ERC2: variants seen among roughly 807,000 people sequenced by gnomAD.
The protein encoded by ERC2 is ERC protein 2.
ERC2 carries 42 observed loss-of-function variants against 114.8 expected under a neutral mutation model. The ratio of observed to expected loss-of-function variants is 0.37; its 90% CI spans 0.29 to 0.47. The LOEUF is 0.47. Ranked by LOEUF, ERC2 falls within the 20% of genes least tolerant of loss-of-function variation. ERC2 has a pLI of 0.99. For missense variants in ERC2, 939 were observed against 1,150.7 expected, an observed-to-expected ratio of 0.82 and a Z score of 2.66; for synonymous variants, 454 against 425.5, an observed-to-expected ratio of 1.07 and a Z score of -0.82.
At chr3:55,719,319 C>G (rs192314141) in intron 15 of ERC2, among the ~76,000 whole-genome samples, 104 of 152,218 alleles carry the variant, frequency 6.8e-4, no homozygotes, top group Admixed American at 4.1e-3. Context: ...GGACCAGTAC[C>G]CACAGAACCA....
intron 13 of ERC2, among the ~76,000 whole-genome samples, 179 bp from the exon 14 acceptor site, chr3:55,888,728 A>G (rs1375488752): frequency 6.6e-6 from 1 of 152,168 alleles, no homozygotes; most frequent in Admixed American, 6.5e-5. Flanking sequence ...CAAATGCCTA[A>G]GAATGATATA....
rs560097533 is a variant in ERC2 at position 56,194,246 on chromosome 3, C to T, written c.1075-20726G>A. ...GTGCCCCCTCCTCCCGCCACCACCCCACAAAAGAAGATCTATCCATCCAGA... is the reference window on the plus strand; with the variant it reads ...GTGCCCCCTCCTCCCGCCACCACCCTACAAAAGAAGATCTATCCATCCAGA... On this transcript the variant is annotated intron_variant, in intron 3 of 17. Transcript: ENST00000288221. Among the ~76,000 whole-genome samples the T allele has an allele frequency of 2.0e-5, 3 of 152,156 alleles. No individual in the cohort carries two copies. The South Asian group carries it at 6.2e-4, about 32-fold the overall frequency.
intron 13 of ERC2, among the ~76,000 whole-genome samples, chr3:55,901,436 T>C (rs2064132253): frequency 6.6e-6 from 1 of 152,140 alleles, no homozygotes; most frequent in Admixed American, 6.5e-5. Flanking sequence ...AGTTGAAAGA[T>C]TATTCAATTC....
Position 55,792,362 on chromosome 3 carries a change from T to C in ERC2, c.2565-57444A>G, listed in dbSNP as rs143451558. On this transcript the variant is annotated intron_variant, in intron 14 of 17. Coordinates refer to ENST00000288221, the MANE Select transcript of ERC2 (RefSeq NM_015576.3). ...TTGTTTAGCTCTCGAAGCTAGGCAT[T>C]TAAAAGTCACTGTGTGCCTAGCTCT... Among the ~76,000 whole-genome samples, 451 of 152,336 alleles carry C rather than the reference T, an allele frequency of 3.0e-3. 4 individuals are homozygous for C. The highest frequency in any genetic ancestry group is 0.01 in the African/African-American group (431 of 41,578).
At chr3:56,002,316 G>A (rs1162428658) in intron 10 of ERC2, among the ~76,000 whole-genome samples, 2 of 152,264 alleles carry the variant, frequency 1.3e-5, no homozygotes. Flanking sequence ...TGATAGCACA[G>A]ATCACATCTG....
At chr3:56,114,148 C>T (rs1362981936) in intron 6 of ERC2, among the ~76,000 whole-genome samples, 4 of 152,160 alleles carry the variant, frequency 2.6e-5, no homozygotes, top group Non-Finnish European at 5.9e-5. Flanking sequence ...ATGAAGGAGG[C>T]TTGCATGCAC....
At position 56,407,814 on chromosome 3, in the gene ERC2, C is replaced by T. The variant is rs80032706; in HGVS notation, c.657+26537G>A. Among the ~76,000 whole-genome samples the T allele has an allele frequency of 5.5e-3, 845 of 152,258 alleles. 4 individuals are homozygous for T. Among genetic ancestry groups the T allele is most frequent in the Non-Finnish European group, 8.1e-3 (550 of 68,018 alleles). On this transcript the variant is annotated intron_variant, in intron 2 of 17. Transcript: ENST00000288221. ...CCTGGAACACGACAGCAGGTAGATA[C>T]ACCCTAAACCTGTTTCCCTGTACTC...
chr3:56,434,562 T>C lies in ERC2; in HGVS notation c.446A>G (p.Asp149Gly). ...CAGTTCTTTCAGCTGGGCCTGAAGA[T>C]CTAACATTGTGCTGTCTCTTACCTG... ...LRQVRDSTML[D>G]LQAQLKELQR... is the part of the protein sequence containing the mutation. The change falls in exon 2 of 18, where the codon GAT (aspartate) becomes GGT (glycine). Residue 149 changes from aspartate to glycine, a missense_variant. Physicochemically the swap from Asp to Gly is moderately conservative, Grantham distance 94. Transcript: ENST00000288221. The C allele has an allele frequency of 6.2e-7, 1 of 1,613,944 alleles. No homozygotes were observed. The highest frequency in any genetic ancestry group is 1.1e-5 in the South Asian group (1 of 91,076).
chr3:56,196,660 T>C (rs997452840), intron 3 of ERC2, among the ~76,000 whole-genome samples: 1 of 152,198 alleles, frequency 6.6e-6, no homozygotes, highest in African/African-American at 2.4e-5. Flanking sequence ...AATTTTCCTG[T>C]TAGCCATTTC....
At chr3:55,511,576 C>A (rs1418923163) in intron 17 of ERC2, among the ~76,000 whole-genome samples, 2 of 152,128 alleles carry the variant, frequency 1.3e-5, no homozygotes, top group Non-Finnish European at 2.9e-5. Flanking sequence ...GGGAAATATG[C>A]CAAAATGTTC....
rs138750344 is a variant in ERC2, at chr3:55,697,089, A to C, written c.2847+2289T>G. Among the ~76,000 whole-genome samples the C allele has an allele frequency of 4.8e-4, 73 of 152,322 alleles. No homozygotes were observed. The East Asian group carries it at 0.012, about 24-fold the overall frequency. On this transcript the variant is annotated intron_variant, in intron 16 of 17. Coordinates refer to ENST00000288221, the MANE Select transcript of ERC2 (RefSeq NM_015576.3). ...GAACCAGAAAAGAATTGAACAAGAC[A>C]TCAGACAACCTGGATTCTTATTCTA...
At chr3:56,012,721 T>C (rs945706521) in intron 8 of ERC2, among the ~76,000 whole-genome samples, 1 of 152,222 alleles carries the variant, frequency 6.6e-6, no homozygotes, top group African/African-American at 2.4e-5. Context: ...TTAAGTGTTA[T>C]TGATGATTCA....
At chr3:55,758,603 T>G (rs912593098) in intron 14 of ERC2, among the ~76,000 whole-genome samples, 4 of 152,210 alleles carry the variant, frequency 2.6e-5, no homozygotes, top group African/African-American at 4.8e-5. Context: ...TAGATTTCCT[T>G]GTCTCCTAGG....
intron 3 of ERC2, among the ~76,000 whole-genome samples, chr3:56,291,316 C>T (rs750585044): frequency 1.3e-5 from 2 of 152,180 alleles, no homozygotes; most frequent in Admixed American, 1.3e-4. Flanking sequence ...TTCGGCCAAC[C>T]CTTTGGCTCA....
chr3:55,811,826 A>C (rs1391232738), intron 14 of ERC2, among the ~76,000 whole-genome samples: 2 of 152,016 alleles, frequency 1.3e-5, no homozygotes, highest in Non-Finnish European at 2.9e-5. Flanking sequence ...CCTTCCTCAC[A>C]ATTGCCTATT....
chr3:55,903,401 G>A (rs1257232879), intron 13 of ERC2, among the ~76,000 whole-genome samples: 1 of 152,156 alleles, frequency 6.6e-6, no homozygotes, highest in East Asian at 1.9e-4. Flanking sequence ...TGGATTCCTT[G>A]CTTTTTAAAT....
chr3:55,999,852 G>A (rs2071893632), intron 10 of ERC2, among the ~76,000 whole-genome samples: 1 of 151,512 alleles, frequency 6.6e-6, no homozygotes, highest in Non-Finnish European at 1.5e-5. Context: ...ACAATTTTGT[G>A]TTTTAATTGA....
intron 2 of ERC2, among the ~76,000 whole-genome samples, chr3:56,412,910 C>T (rs1021591413): frequency 1.3e-5 from 2 of 152,126 alleles, no homozygotes; most frequent in African/African-American, 4.8e-5. Context: ...AATGGATAGA[C>T]ATATTAACAG....
In ERC2 at chr3:56,296,402, C is replaced by G; in HGVS notation, c.691G>C (p.Glu231Gln). The G allele has an allele frequency of 6.2e-7, 1 of 1,613,844 alleles. No homozygotes were observed. The highest frequency in any genetic ancestry group is 1.3e-5 in the African/African-American group (1 of 75,040). Residue 231 changes from glutamate (E) to glutamine (Q), a missense_variant, in exon 3 of 18, where the codon GAG becomes CAG. By Grantham distance (29) the Glu-to-Gln change is conservative. This residue lies in a region of ERC2 where 281 missense variants were observed against 307.4 expected (regional missense o/e 0.91). Coordinates refer to ENST00000288221, the MANE Select transcript of ERC2 (RefSeq NM_015576.3). ...LQLTIQALQD[E>Q]LRTQRDLNHL... ...TTGAGGTCTCTCTGGGTTCGCAGCT[C>G]ATCTTGAAGGGCCTGGATTGTCAAC...
Sources: gnomAD v4.1 joint callset for allele counts (sites outside exome capture counted in the v4.1 genomes callset) on GRCh38, gnomAD v4.1.1 for gene constraint, gnomAD v4.1.1 regional missense constraint, MANE v1.5 for transcripts, NCBI Gene and HGNC (gene_info 2026-07-23, HGNC 2026-07-21) for gene names.